Variants in CABP7 observed in about 807,000 individuals in gnomAD.
CABP7 encodes the protein calcium-binding protein 7.
In CABP7, 13 loss-of-function variants were observed where a neutral mutation model predicts 23.1. The observed-to-expected ratio is 0.56, with a 90% confidence interval of 0.37 to 0.90. CABP7 has a LOEUF of 0.90. CABP7 is among the 40% of genes least tolerant of loss of function. CABP7 has a pLI of 0.01. For synonymous variants in CABP7, 123 were observed against 115.3 expected (o/e 1.07, Z -0.43); for missense variants, 248 against 295.6 (o/e 0.84, Z 1.18).
rs755444085 is a variant in CABP7 at position 29,731,277 on chromosome 22, C to T, written c.*1708C>T. On this transcript the variant is annotated 3_prime_UTR_variant, in exon 5 of 5. Coordinates refer to ENST00000216144, the MANE Select transcript of CABP7 (RefSeq NM_182527.3). ...AGGCCACCCCCCAGGTGGGGGTGCCCGCAGGGATGGAGGCAGCTCCTGAAC... is the reference window on the plus strand; with the variant it reads ...AGGCCACCCCCCAGGTGGGGGTGCCTGCAGGGATGGAGGCAGCTCCTGAAC... The T allele has an allele frequency of 1.2e-5, 18 of 1,519,902 alleles. 1 individual carries two copies. The highest frequency in any genetic ancestry group is 8.0e-5 in the South Asian group (6 of 74,620). 94.2% of individuals were successfully genotyped at this position (1,519,902 alleles called of 1,614,324 possible). A position where few individuals can be genotyped will look rare whatever the true frequency, so the allele number is the denominator to read the frequency against.
At position 29,720,184 on chromosome 22, in the gene CABP7, C is replaced by T. The variant is rs1393363269; in HGVS notation, c.-241C>T. 1 of 146,488 alleles carries T rather than the reference C, an allele frequency of 6.8e-6. No homozygotes were observed. The highest frequency in any genetic ancestry group is 1.5e-5 in the Non-Finnish European group (1 of 65,878). 9.1% of individuals were successfully genotyped at this position (146,488 alleles called of 1,614,324 possible). ...GCTCTCGGAAAGGCCAGAGCGGCGCCGCCCCCGCTGCCCCTGCGGGGCCCC... is the reference window on the plus strand; with the variant it reads ...GCTCTCGGAAAGGCCAGAGCGGCGCTGCCCCCGCTGCCCCTGCGGGGCCCC... On this transcript the variant is annotated 5_prime_UTR_variant, in exon 1 of 5. Transcript: ENST00000216144. The surrounding 1 kb of genome is among the most constrained non-coding windows in gnomAD (Gnocchi z 5.2).
In CABP7 at chr22:29,729,042, C is replaced by A. The variant is rs746083989; in HGVS notation, c.367-13C>A. On this transcript the variant is annotated splice_polypyrimidine_tract_variant and intron_variant, in intron 3 of 4. Coordinates refer to ENST00000216144, the MANE Select transcript of CABP7 (RefSeq NM_182527.3). ...GGTGGCTCTCAGAGCACCGTGTTGT[C>A]CCCCTCCGCAAGTGCGACATGCAGA... The A allele has an allele frequency of 3.1e-6, 5 of 1,608,418 alleles. No individual in the cohort carries two copies. In the Admixed American group the frequency reaches 5.0e-5, roughly 16 times the overall value.
chr22:29,729,752 G>T lies in CABP7; in HGVS notation c.*183G>T, dbSNP rs993929642. The T allele has an allele frequency of 2.6e-6, 2 of 758,238 alleles. No individual in the cohort carries two copies. Among genetic ancestry groups the T allele is most frequent in the Non-Finnish European group, 4.2e-6 (2 of 480,916 alleles). 47.0% of individuals were successfully genotyped at this position (758,238 alleles called of 1,614,324 possible). A position where few individuals can be genotyped will look rare whatever the true frequency, so the allele number is the denominator to read the frequency against. On this transcript the variant is annotated 3_prime_UTR_variant, in exon 5 of 5. Transcript: ENST00000216144. ...CCTCACCTGGAGCTGTGGCCTGGCT[G>T]TGGAGGGCCGGGTGGTGGCTCTGAG...
rs1286336795 is a variant in CABP7, at chr22:29,731,269, G to A, written c.*1700G>A. 1 of 1,519,404 alleles carries A rather than the reference G, an allele frequency of 6.6e-7. No homozygotes were observed. Among genetic ancestry groups the A allele is most frequent in the Non-Finnish European group, 8.7e-7 (1 of 1,147,004 alleles). The allele number at this position is 1,519,404 out of a possible 1,614,324, so 94.1% of individuals were successfully genotyped here. A position where few individuals can be genotyped will look rare whatever the true frequency, so the allele number is the denominator to read the frequency against. ...GGCTGCAGAGGCCACCCCCCAGGTGGGGGTGCCCGCAGGGATGGAGGCAGC... is the reference window on the plus strand; with the variant it reads ...GGCTGCAGAGGCCACCCCCCAGGTGAGGGTGCCCGCAGGGATGGAGGCAGC... On this transcript the variant is annotated 3_prime_UTR_variant, in exon 5 of 5. Transcript: ENST00000216144.
chr22:29,723,170 C>A (rs888774841), intron 1 of CABP7, among the ~76,000 whole-genome samples: 8 of 152,134 alleles, frequency 5.3e-5, no homozygotes, highest in African/African-American at 1.9e-4. Context: ...AGGGCCCAGG[C>A]CCGTGAGGGT....
intron 4 of CABP7, 54 bp from the exon 5 acceptor site, chr22:29,729,388 C>T (rs920494483): frequency 1.9e-6 from 3 of 1,597,530 alleles, no homozygotes; most frequent in Admixed American, 1.7e-5. Flanking sequence ...CTCCTGACTC[C>T]ATCGCTTTGA....
chr22:29,723,230 A>C (rs913723171), intron 1 of CABP7, among the ~76,000 whole-genome samples: 31 of 152,054 alleles, frequency 2.0e-4, no homozygotes, highest in Admixed American at 2.0e-3. Context: ...AGCTGGGTGG[A>C]AAAGGCCTTG....
At position 29,730,030 on chromosome 22, in the gene CABP7, G is replaced by A. The variant is rs535551368; in HGVS notation, c.*461G>A. 1 of 157,902 alleles carries A rather than the reference G, an allele frequency of 6.3e-6. No homozygotes were observed. Among genetic ancestry groups the A allele is most frequent in the African/African-American group, 2.4e-5 (1 of 41,648 alleles). 9.8% of individuals were successfully genotyped at this position (157,902 alleles called of 1,614,324 possible). On this transcript the variant is annotated 3_prime_UTR_variant, in exon 5 of 5. Transcript: ENST00000216144. Reference sequence around the variant, plus strand: ...CACAGGGCACAGGCAGGGACAGAAAGCCTTCTCCTGGGGGAGGGTGGGAAG... The same window carrying A: ...CACAGGGCACAGGCAGGGACAGAAAACCTTCTCCTGGGGGAGGGTGGGAAG...
rs775879593 is a variant in CABP7 at position 29,727,686 on chromosome 22, TTGACCG to T, written c.139_144del (p.Arg47_Asp48del). 1 of 1,613,782 alleles carries T rather than the reference TTGACCG, an allele frequency of 6.2e-7. No individual in the cohort carries two copies. Among genetic ancestry groups the T allele is most frequent in the Non-Finnish European group, 8.5e-7 (1 of 1,179,950 alleles). The stretch of plus-strand genomic sequence containing the variant: ...GAGATCCGAGAGGCCTTCAAGGTGT[TTGACCG>T]TGACGGCAATGGCTTCATCTCCAAG... On this transcript the variant is annotated inframe_deletion, in exon 2 of 5. Coordinates refer to ENST00000216144, the MANE Select transcript of CABP7 (RefSeq NM_182527.3). This position sits in a 1 kb window ranked among gnomAD's most constrained non-coding sequence, Gnocchi z 4.2.
intron 1 of CABP7, among the ~76,000 whole-genome samples, chr22:29,724,053 C>A (rs1025490229): frequency 3.3e-5 from 5 of 152,232 alleles, no homozygotes; most frequent in Admixed American, 1.3e-4. Context: ...ACCCGTCAGG[C>A]TACCCTTGGC....
At chr22:29,722,163 A>T (rs183772535) in intron 1 of CABP7, among the ~76,000 whole-genome samples, 1 of 151,770 alleles carries the variant, frequency 6.6e-6, no homozygotes, top group East Asian at 1.9e-4. Flanking sequence ...TGCTCCCAGC[A>T]CCCCCACCAG....
intron 1 of CABP7, among the ~76,000 whole-genome samples, chr22:29,723,204 G>T (rs2067774048): frequency 6.6e-6 from 1 of 152,188 alleles, no homozygotes; most frequent in South Asian, 2.1e-4. Context: ...AGCCAGAAGG[G>T]CAGGCTGGCA....
intron 3 of CABP7, 105 bp from the exon 4 acceptor site, chr22:29,728,950 C>A: frequency 7.0e-7 from 1 of 1,432,688 alleles, no homozygotes; most frequent in Non-Finnish European, 9.6e-7. Context: ...AAGTGTTTTC[C>A]AGCCCCCCAG....
Position 29,728,648 on chromosome 22 carries a change from T to C in CABP7, c.272T>C (p.Phe91Ser), listed in dbSNP as rs1290244925. ...LDMDGDGQVDFEEFVTLLGPK... is the reference protein window; with the variant it reads ...LDMDGDGQVDSEEFVTLLGPK... ...CCACCAGGTGATGGTCAAGTGGACTTTGAGGAGTTTGTGACCCTTCTGGGA... is the reference window on the plus strand; with the variant it reads ...CCACCAGGTGATGGTCAAGTGGACTCTGAGGAGTTTGTGACCCTTCTGGGA... The change falls in exon 3 of 5, where the codon TTT becomes TCT. Residue 91 changes from phenylalanine to serine, a missense_variant. Physicochemically the swap from Phe to Ser is radical, Grantham distance 155. Transcript: ENST00000216144. The C allele has an allele frequency of 2.5e-6, 4 of 1,612,960 alleles. No individual in the cohort carries two copies. Among genetic ancestry groups the C allele is most frequent in the African/African-American group, 1.3e-5 (1 of 74,914 alleles).
At chr22:29,721,603 G>C (rs2067762377) in intron 1 of CABP7, among the ~76,000 whole-genome samples, 1 of 152,190 alleles carries the variant, frequency 6.6e-6, no homozygotes, top group Admixed American at 6.5e-5. Flanking sequence ...GCCAAGACCA[G>C]CACAGTCAGG....
chr22:29,723,813 C>T (rs545830633), intron 1 of CABP7, among the ~76,000 whole-genome samples: 1 of 152,362 alleles, frequency 6.6e-6, no homozygotes, highest in South Asian at 2.1e-4. Flanking sequence ...GGAGGATGGA[C>T]ACTACCCTCT....
intron 1 of CABP7, among the ~76,000 whole-genome samples, chr22:29,721,848 C>T (rs1190389023): frequency 2.0e-5 from 3 of 152,148 alleles, no homozygotes; most frequent in Admixed American, 6.5e-5. Context: ...GGGTCTGATG[C>T]GGACAGGACA....
chr22:29,728,264 G>A (rs1030880029), intron 2 of CABP7, among the ~76,000 whole-genome samples: 24 of 152,160 alleles, frequency 1.6e-4, no homozygotes, highest in Admixed American at 6.5e-4. Flanking sequence ...GACAGCCTTG[G>A]CAGGTTGCCC....
rs762272207 is a variant in CABP7, at chr22:29,731,356, TAGAG to T, written c.*1799_*1802del. The T allele has an allele frequency of 3.4e-5, 50 of 1,480,248 alleles. No homozygotes were observed. Among genetic ancestry groups the T allele is most frequent in the African/African-American group, 1.2e-4 (8 of 68,458 alleles). The allele number at this position is 1,480,248 out of a possible 1,614,324, so 91.7% of individuals were successfully genotyped here. A position where few individuals can be genotyped will look rare whatever the true frequency, so the allele number is the denominator to read the frequency against. On this transcript the variant is annotated 3_prime_UTR_variant, in exon 5 of 5. Transcript: ENST00000216144. ...ACAGTGGTTCTGATGGGTTCAGCCC[TAGAG>T]AGAGAGAGAGAAGCGGGGAGAATAA...
Sources: gnomAD v4.1 joint callset for allele counts (sites outside exome capture counted in the v4.1 genomes callset) on GRCh38, gnomAD v4.1.1 for gene constraint, Gnocchi (gnomAD v3.1) non-coding constraint, MANE v1.5 for transcripts, NCBI Gene and HGNC (gene_info 2026-07-23, HGNC 2026-07-21) for gene names.